Variants in R3HDM2 observed in about 807,000 individuals in gnomAD.
R3HDM2 encodes the protein R3H domain-containing protein 2.
Under a neutral mutation model 124.5 loss-of-function variants are expected in R3HDM2, and 38 were observed. The ratio of observed to expected loss-of-function variants is 0.31; its 90% CI spans 0.24 to 0.40. R3HDM2 has a LOEUF of 0.40. Ranked by LOEUF, R3HDM2 falls within the 10% of genes least tolerant of loss-of-function variation. R3HDM2 has a pLI of 1.00. For missense variants in R3HDM2, 869 were observed against 1,236.9 expected (o/e 0.70, Z 4.46); for synonymous variants, 391 against 448.0 (o/e 0.87, Z 1.61).
At chr12:57,430,303 G>A (rs954076383) in intron 1 of R3HDM2, among the ~76,000 whole-genome samples, 2 of 152,118 alleles carry the variant, frequency 1.3e-5, no homozygotes, top group African/African-American at 4.8e-5. Context: ...CCCCGTCCCT[G>A]TAAGAAACCT....
rs1392571911 is a variant in R3HDM2, at chr12:57,425,235, GCACT to G, written c.-106+5481_-106+5484del. 4.6e-5 allele frequency among the ~76,000 whole-genome samples: 7 copies of G among 150,666 alleles called. No individual in the cohort carries two copies. In the East Asian group the frequency reaches 1.4e-3, roughly 29 times the overall value. On this transcript the variant is annotated intron_variant, in intron 1 of 23. Coordinates refer to ENST00000402412, the MANE Select transcript of R3HDM2 (RefSeq NM_001394031.1). ...TGCGGTGAGCCGAGATCGTGCCATT[GCACT>G]CCAACCTGGGCAACAAGAGCGAAAC... is the stretch of plus-strand genomic sequence containing the variant.
At chr12:57,412,926 C>T (rs568615331) in intron 1 of R3HDM2, among the ~76,000 whole-genome samples, 5 of 151,988 alleles carry the variant, frequency 3.3e-5, no homozygotes, top group East Asian at 1.9e-4. Context: ...CCGAGGTGGG[C>T]GGATCACGAG....
At chr12:57,298,053 C>A in intron 7 of R3HDM2, 37 bp downstream of exon 7, 1 of 1,466,714 alleles carries the variant, frequency 6.8e-7, no homozygotes, top group African/African-American at 1.4e-5. Context: ...TTGCTATCCC[C>A]TAACCCCTTT....
intron 2 of R3HDM2, among the ~76,000 whole-genome samples, chr12:57,333,940 G>T (rs767713344): frequency 3.9e-5 from 6 of 152,016 alleles, no homozygotes; most frequent in Non-Finnish European, 8.8e-5. Context: ...TACTTGGGAG[G>T]CTGAGGCAGA....
chr12:57,318,099 G>T (rs1054189978), intron 2 of R3HDM2, among the ~76,000 whole-genome samples: 1 of 151,842 alleles, frequency 6.6e-6, no homozygotes, highest in African/African-American at 2.4e-5. Flanking sequence ...AGACCAGCCT[G>T]GCCAATATGG....
chr12:57,367,131 CT>C (rs2062762163), intron 2 of R3HDM2, among the ~76,000 whole-genome samples: 2 of 152,212 alleles, frequency 1.3e-5, no homozygotes, highest in African/African-American at 2.4e-5. Flanking sequence ...TCTAAGGACT[CT>C]ACTCAATGTC....
intron 2 of R3HDM2, among the ~76,000 whole-genome samples, chr12:57,347,691 C>T (rs1395728574): frequency 6.6e-6 from 1 of 152,134 alleles, no homozygotes; most frequent in Non-Finnish European, 1.5e-5. Context: ...CTGTTTAAGC[C>T]ACCTAGTCTG....
At chr12:57,303,372 A>G (rs2051709216) in intron 3 of R3HDM2, among the ~76,000 whole-genome samples, 155 bp from the exon 4 acceptor site, 1 of 152,192 alleles carries the variant, frequency 6.6e-6, no homozygotes, top group Non-Finnish European at 1.5e-5. Context: ...TCTCCCTACA[A>G]CCTACAACTC....
chr12:57,310,519 C>A (rs2053679397), intron 2 of R3HDM2, 56 bp from the exon 3 acceptor site: 1 of 959,494 alleles, frequency 1.0e-6, no homozygotes, highest in East Asian at 3.3e-5. Flanking sequence ...TTAACAAATA[C>A]ACAAGACTCG....
chr12:57,396,913 G>A (rs1381463906), intron 1 of R3HDM2, among the ~76,000 whole-genome samples: 1 of 152,070 alleles, frequency 6.6e-6, no homozygotes, highest in Non-Finnish European at 1.5e-5. Context: ...CCAATATGGT[G>A]AAACACCATC....
At chr12:57,430,489 G>GGCCCCCCCCCCCCCCCCCCCCCCCCCCC in intron 1 of R3HDM2, 1 of 790,578 alleles carries the variant, frequency 1.3e-6, no homozygotes, top group Non-Finnish European at 1.5e-6. Context: ...CCACCCCCCT[G>GGCCCCCCCCCCCCCCCCCCCCCCCCCCC]CCCCCGCACC....
At chr12:57,328,034 A>G (rs929786406) in intron 2 of R3HDM2, among the ~76,000 whole-genome samples, 9 of 151,994 alleles carry the variant, frequency 5.9e-5, no homozygotes, top group Admixed American at 2.6e-4. Flanking sequence ...GACATCTTTC[A>G]TGAAAGGAAC....
chr12:57,338,911 T>A (rs2059206846), intron 2 of R3HDM2, among the ~76,000 whole-genome samples: 1 of 152,140 alleles, frequency 6.6e-6, no homozygotes. Flanking sequence ...ATGCTAAGTC[T>A]TTAAATGACC....
chr12:57,345,413 A>G (rs912153749), intron 2 of R3HDM2, among the ~76,000 whole-genome samples: 1 of 152,146 alleles, frequency 6.6e-6, no homozygotes, highest in African/African-American at 2.4e-5. Context: ...AAACACAAAA[A>G]GAGAAAAAAT....
chr12:57,275,826 G>A (rs1307299396), intron 14 of R3HDM2, among the ~76,000 whole-genome samples: 6 of 152,218 alleles, frequency 3.9e-5, no homozygotes, highest in East Asian at 1.9e-4. Context: ...AACAGCAGAT[G>A]TTGGCATGGA....
At chr12:57,343,760 AG>A (rs1266595420) in intron 2 of R3HDM2, among the ~76,000 whole-genome samples, 2 of 138,604 alleles carry the variant, frequency 1.4e-5, no homozygotes, top group East Asian at 4.7e-4. Flanking sequence ...GTCTTACAAA[AG>A]GTTAAAAAAA....
At chr12:57,347,566 T>C (rs968317021) in intron 2 of R3HDM2, among the ~76,000 whole-genome samples, 6 of 152,166 alleles carry the variant, frequency 3.9e-5, no homozygotes, top group Non-Finnish European at 7.3e-5. Context: ...GTAACAATTA[T>C]ATTAAGTGTA....
chr12:57,421,342 G>C (rs994310597), intron 1 of R3HDM2, among the ~76,000 whole-genome samples: 1 of 150,446 alleles, frequency 6.6e-6, no homozygotes, highest in Non-Finnish European at 1.5e-5. Context: ...GTAGAGATGG[G>C]TTTCTCCATG....
chr12:57,393,440 A>C (rs534586081), intron 2 of R3HDM2, among the ~76,000 whole-genome samples: 7 of 152,296 alleles, frequency 4.6e-5, no homozygotes, highest in Admixed American at 2.6e-4. Context: ...GTGAATAGCC[A>C]CTATACTCCA....
Sources: allele counts gnomAD v4.1 joint callset (sites outside exome capture counted in the v4.1 genomes callset), GRCh38; gene constraint gnomAD v4.1.1; transcripts MANE v1.5; gene names NCBI Gene and HGNC (gene_info 2026-07-23, HGNC 2026-07-21).